The following METTL9 variants were observed in gnomAD, a reference collection of about 807,000 sequenced individuals.
The protein encoded by METTL9 is protein-L-histidine N-pros-methyltransferase.
In METTL9, 10 loss-of-function variants were observed where a neutral mutation model predicts 36.0. That is an observed-to-expected ratio of 0.28 (90% CI 0.17 to 0.47). The LOEUF is 0.47. Ranked by LOEUF, METTL9 falls within the 20% of genes least tolerant of loss-of-function variation. The probability of loss-of-function intolerance (pLI) is 0.99; values close to 1 mark genes in which losing one functional copy is unlikely to be tolerated. For synonymous variants in METTL9, 175 were observed against 149.7 expected (o/e 1.17, Z -1.23); for missense variants, 246 against 383.5 (o/e 0.64, Z 3.00).
intron 4 of METTL9, among the ~76,000 whole-genome samples, chr16:21,626,419 A>G (rs773239922): frequency 6.6e-5 from 10 of 152,124 alleles, no homozygotes; most frequent in Non-Finnish European, 1.3e-4. Context: ...AATTTCTTGT[A>G]TGTGTTTTTT....
chr16:21,604,018 A>G (rs1351308900), intron 1 of METTL9, among the ~76,000 whole-genome samples: 1 of 152,150 alleles, frequency 6.6e-6, no homozygotes, highest in Non-Finnish European at 1.5e-5. Context: ...ACACTGTGCT[A>G]AAGGACAGAG....
chr16:21,617,627 G>A (rs1965587016), intron 2 of METTL9, among the ~76,000 whole-genome samples: 1 of 151,870 alleles, frequency 6.6e-6, no homozygotes, highest in East Asian at 1.9e-4. Flanking sequence ...TACTCAGGAG[G>A]CTGGGACAGG....
chr16:21,600,504 C>A (rs1965093319), intron 1 of METTL9, among the ~76,000 whole-genome samples: 1 of 152,160 alleles, frequency 6.6e-6, no homozygotes, highest in African/African-American at 2.4e-5. Flanking sequence ...TCCCCTCCTA[C>A]CTAGCAGAGA....
upstream of METTL9, among the ~76,000 whole-genome samples, chr16:21,598,573 G>C (rs978420190): frequency 4.6e-5 from 7 of 152,122 alleles, no homozygotes; most frequent in Non-Finnish European, 8.8e-5. Flanking sequence ...ATTAAAGTTA[G>C]GGACTCCCAC....
At chr16:21,597,528 C>T (rs938380367), upstream of METTL9, among the ~76,000 whole-genome samples, 47 of 152,192 alleles carry the variant, frequency 3.1e-4, no homozygotes, top group African/African-American at 1.1e-3. Context: ...CAACTGACCC[C>T]AAAATCCTTC....
chr16:21,618,022 G>T lies in METTL9; in HGVS notation c.514G>T (p.Ala172Ser), dbSNP rs1965597240. The T allele has an allele frequency of 6.2e-7, 1 of 1,601,286 alleles. No individual in the cohort carries two copies. Among genetic ancestry groups the T allele is most frequent in the African/African-American group, 1.4e-5 (1 of 73,802 alleles). Residue 172 changes from alanine to serine, a missense_variant, in exon 3 of 5, where the codon GCC becomes TCC. Ala to Ser is a moderately conservative substitution (Grantham distance 99). Coordinates refer to ENST00000358154, the MANE Select transcript of METTL9 (RefSeq NM_016025.5). ...GAGCCCTCATTTTGAAGAAATCTATGCCACTGAGCTTTCTGAAACTATGAT... is the reference window on the plus strand; with the variant it reads ...GAGCCCTCATTTTGAAGAAATCTATTCCACTGAGCTTTCTGAAACTATGAT... The part of the protein sequence containing the change: ...IMSPHFEEIY[A>S]TELSETMIWQ...
At chr16:21,647,151 T>G (rs376880564) in intron 4 of METTL9, 30 of 1,614,154 alleles carry the variant, frequency 1.9e-5, no homozygotes, top group Non-Finnish European at 2.5e-5. Flanking sequence ...ACCAGTGTGG[T>G]CCCTCCTCCT....
chr16:21,651,143 A>T (rs1966563627), intron 4 of METTL9, among the ~76,000 whole-genome samples: 2 of 152,292 alleles, frequency 1.3e-5, no homozygotes, highest in East Asian at 1.9e-4. Flanking sequence ...GAATGGCGTG[A>T]ACCCGGGAGG....
upstream of METTL9, chr16:21,599,576 C>T (rs1050871766): frequency 2.7e-5 from 35 of 1,288,690 alleles, no homozygotes; most frequent in Middle Eastern, 3.0e-4. This position sits in a 1 kb window ranked among gnomAD's most constrained non-coding sequence, Gnocchi z 4.4. Context: ...GCCGGCTGCT[C>T]CTCCCCACCC....
chr16:21,604,807 C>G (rs982028933), intron 1 of METTL9, among the ~76,000 whole-genome samples: 1 of 152,112 alleles, frequency 6.6e-6, no homozygotes, highest in African/African-American at 2.4e-5. Flanking sequence ...AGCAGTGGAG[C>G]TTTTCTGATT....
At chr16:21,614,089 AT>A (rs1365387314) in intron 2 of METTL9, among the ~76,000 whole-genome samples, 1 of 151,644 alleles carries the variant, frequency 6.6e-6, no homozygotes, top group Non-Finnish European at 1.5e-5. Flanking sequence ...TTCTCAGTTG[AT>A]TTTCTTCATT....
Position 21,630,591 on chromosome 16 carries a change from C to T in METTL9, c.751+5476C>T, listed in dbSNP as rs752928486. 8.9e-4 allele frequency among the ~76,000 whole-genome samples: 135 copies of T among 152,096 alleles called. 1 individual carries two copies. Among genetic ancestry groups the T allele is most frequent in the Admixed American group, 2.4e-3 (36 of 15,268 alleles). On this transcript the variant is annotated intron_variant, in intron 4 of 4. Transcript: ENST00000358154. ...CTAGCTACTTCCTGCTGGATAGGGG[C>T]GAAGAAGGGGCCCTGCAGTTGTAGT...
intron 1 of METTL9, among the ~76,000 whole-genome samples, chr16:21,601,058 A>G (rs1188442131): frequency 6.6e-6 from 1 of 152,168 alleles, no homozygotes; most frequent in East Asian, 1.9e-4. Flanking sequence ...GTCTTTAGTA[A>G]TATGTATATT....
At chr16:21,647,176 C>T (rs542957838) in intron 4 of METTL9, 42 of 1,614,156 alleles carry the variant, frequency 2.6e-5, no homozygotes, top group African/African-American at 4.0e-5. Flanking sequence ...GTTTAGCTCT[C>T]GCTTCCGGCA....
intron 4 of METTL9, chr16:21,643,047 CAT>C: frequency 2.1e-6 from 3 of 1,460,874 alleles, no homozygotes; most frequent in Non-Finnish European, 1.9e-6. Context: ...TCTGTATTTA[CAT>C]TTTTTTTTGA....
chr16:21,654,519 C>T (rs1966660624), intron 4 of METTL9: 1 of 152,366 alleles, frequency 6.6e-6, no homozygotes, highest in Admixed American at 6.5e-5. Context: ...CCAGGCATCT[C>T]CTGCTCATAG....
chr16:21,653,050 A>G (rs1966619307), intron 4 of METTL9: 1 of 155,652 alleles, frequency 6.4e-6, no homozygotes. Flanking sequence ...TTAGTAAACA[A>G]CACATTCTAA....
At position 21,655,537 on chromosome 16, in the gene METTL9, A is replaced by G; in HGVS notation, c.*105A>G. ...GAAGGGAGGACCCTTGGGGACCGCC[A>G]TTCTAAATATCATGTAGGAATTTAA... On this transcript the variant is annotated 3_prime_UTR_variant, in exon 5 of 5. Coordinates refer to ENST00000358154, the MANE Select transcript of METTL9 (RefSeq NM_016025.5). 1 of 909,274 alleles carries G rather than the reference A, an allele frequency of 1.1e-6. No homozygotes were observed. Among genetic ancestry groups the G allele is most frequent in the Non-Finnish European group, 1.7e-6 (1 of 595,034 alleles). 56.3% of individuals were successfully genotyped at this position (909,274 alleles called of 1,614,324 possible).
Position 21,655,476 on chromosome 16 carries a change from G to T in METTL9, c.*44G>T, listed in dbSNP as rs1388613745. The T allele has an allele frequency of 8.5e-6, 13 of 1,537,194 alleles. No individual in the cohort carries two copies. The highest frequency in any genetic ancestry group is 1.2e-5 in the Non-Finnish European group (13 of 1,120,130). On this transcript the variant is annotated 3_prime_UTR_variant, in exon 5 of 5. Coordinates refer to ENST00000358154, the MANE Select transcript of METTL9 (RefSeq NM_016025.5). ...CTTCAGAGTCCGCACCCTCCGGGAT[G>T]TGCCCTTGGAAGAGGGTCTGTGTTC...
Sources: gnomAD v4.1 joint callset for allele counts (sites outside exome capture counted in the v4.1 genomes callset) on GRCh38, gnomAD v4.1.1 for gene constraint, Gnocchi (gnomAD v3.1) non-coding constraint, MANE v1.5 for transcripts, NCBI Gene and HGNC (gene_info 2026-07-23, HGNC 2026-07-21) for gene names.